Variants in SNTG1 observed in about 807,000 individuals in gnomAD.
SNTG1 encodes the protein gamma-1-syntrophin.
SNTG1 carries 39 observed loss-of-function variants against 74.7 expected under a neutral mutation model. The ratio of observed to expected loss-of-function variants is 0.52; its 90% CI spans 0.40 to 0.68. The LOEUF is 0.68. Among genes scored for constraint, SNTG1 ranks in the 30% least tolerant of loss-of-function variants. The pLI is 0.00. For missense variants in SNTG1, 685 were observed against 609.5 expected (o/e 1.12, Z -1.30); for synonymous variants, 254 against 217.1 (o/e 1.17, Z -1.49).
At chr8:50,413,596 G>A (rs78198457) in intron 4 of SNTG1, among the ~76,000 whole-genome samples, 7,121 of 152,192 alleles carry the variant, frequency 0.047, 217 homozygotes, top group Middle Eastern at 0.096. Context: ...CACAAGACCG[G>A]AATATGAAAA....
At chr8:50,547,165 T>A (rs2094394195) in intron 11 of SNTG1, among the ~76,000 whole-genome samples, 1 of 152,148 alleles carries the variant, frequency 6.6e-6, no homozygotes, top group South Asian at 2.1e-4. Context: ...TGCAGTTTCA[T>A]CATCCTGATG....
At chr8:50,747,881 CA>C (rs113979029) in intron 17 of SNTG1, 2,936 of 152,074 alleles carry the variant, frequency 0.019, 82 homozygotes, top group African/African-American at 0.063. Context: ...CCTACAGGCT[CA>C]TGCCATCAAG....
intron 2 of SNTG1, among the ~76,000 whole-genome samples, chr8:50,343,040 A>T (rs1341189438): frequency 2.0e-5 from 3 of 152,224 alleles, no homozygotes; most frequent in Admixed American, 6.5e-5. Context: ...GATCAAAACC[A>T]GAAAACAAAC....
intron 18 of SNTG1, among the ~76,000 whole-genome samples, chr8:50,763,952 C>T (rs981918886): frequency 7.2e-6 from 1 of 138,108 alleles, no homozygotes; most frequent in Non-Finnish European, 1.6e-5. Context: ...GGAATTAAAA[C>T]AGCAGAATAC....
intron 18 of SNTG1, among the ~76,000 whole-genome samples, chr8:50,767,101 T>C (rs758832006): frequency 6.6e-5 from 10 of 152,066 alleles, no homozygotes; most frequent in Non-Finnish European, 1.2e-4. Context: ...TGGTTCAGAA[T>C]AGACTTAGAA....
intron 2 of SNTG1, among the ~76,000 whole-genome samples, chr8:50,202,885 G>A (rs2084044063): frequency 6.6e-6 from 1 of 150,408 alleles, no homozygotes; most frequent in South Asian, 2.1e-4. Context: ...TGTTCTCTGT[G>A]TATTCTGTTT....
intron 2 of SNTG1, among the ~76,000 whole-genome samples, chr8:50,223,675 T>C (rs551265761): frequency 1.3e-5 from 2 of 152,212 alleles, no homozygotes; most frequent in Non-Finnish European, 1.5e-5. Flanking sequence ...AGAAAATATA[T>C]TTTTTCAAAA....
At chr8:50,137,717 T>C (rs1413771996) in intron 1 of SNTG1, among the ~76,000 whole-genome samples, 1 of 152,072 alleles carries the variant, frequency 6.6e-6, no homozygotes, top group African/African-American at 2.4e-5. Context: ...ACCAGATCTG[T>C]GGGGAAGATT....
intron 4 of SNTG1, among the ~76,000 whole-genome samples, chr8:50,434,651 A>C (rs929980091): frequency 6.6e-6 from 1 of 152,128 alleles, no homozygotes; most frequent in African/African-American, 2.4e-5. Flanking sequence ...GATGATGAGC[A>C]TTTATTCATG....
intron 1 of SNTG1, among the ~76,000 whole-genome samples, chr8:49,998,743 G>C (rs1188857207): frequency 6.6e-6 from 1 of 151,992 alleles, no homozygotes; most frequent in Non-Finnish European, 1.5e-5. Flanking sequence ...CATCTCCTGT[G>C]ATAATGATGC....
chr8:50,709,229 C>G (rs2095454550), intron 17 of SNTG1: 4 of 432,934 alleles, frequency 9.2e-6, no homozygotes, highest in Non-Finnish European at 8.1e-6. Context: ...ATGTATGTAT[C>G]TATCTATCAA....
At chr8:50,209,200 G>A (rs1368839183) in intron 2 of SNTG1, among the ~76,000 whole-genome samples, 2 of 152,150 alleles carry the variant, frequency 1.3e-5, no homozygotes, top group African/African-American at 4.8e-5. Flanking sequence ...GCTGAGGCTT[G>A]AGTAGATAAA....
At chr8:50,743,156 G>A (rs1585689265) in intron 17 of SNTG1, among the ~76,000 whole-genome samples, 2 of 151,018 alleles carry the variant, frequency 1.3e-5, no homozygotes, top group African/African-American at 2.4e-5. Context: ...ATTCTGTGAG[G>A]CCAACATTAC....
intron 8 of SNTG1, among the ~76,000 whole-genome samples, chr8:50,453,662 C>T (rs567491582): frequency 6.6e-6 from 1 of 152,216 alleles, no homozygotes; most frequent in South Asian, 2.1e-4. Flanking sequence ...ATGAGAGTAC[C>T]ATATGTGAAA....
At chr8:50,111,930 T>C (rs2080608497) in intron 1 of SNTG1, among the ~76,000 whole-genome samples, 1 of 152,036 alleles carries the variant, frequency 6.6e-6, no homozygotes, top group Admixed American at 6.6e-5. Context: ...ACAAAAATAA[T>C]ACTTTAGGCC....
At chr8:49,977,293 A>T (rs1812283273) in intron 1 of SNTG1, among the ~76,000 whole-genome samples, 1 of 152,172 alleles carries the variant, frequency 6.6e-6, no homozygotes. Flanking sequence ...CAGAAATTAA[A>T]AAAACAACAG....
chr8:50,106,438 C>T (rs1255083910), intron 1 of SNTG1, among the ~76,000 whole-genome samples: 1 of 152,094 alleles, frequency 6.6e-6, no homozygotes, highest in East Asian at 1.9e-4. Flanking sequence ...AACCATTTCA[C>T]AGTACTATGT....
intron 1 of SNTG1, among the ~76,000 whole-genome samples, chr8:49,933,849 C>A (rs991428591): frequency 6.6e-6 from 1 of 152,098 alleles, no homozygotes; most frequent in Non-Finnish European, 1.5e-5. Context: ...TTATTGGTAA[C>A]CTCCTGGACT....
chr8:50,408,329 T>C (rs755941784), intron 4 of SNTG1, among the ~76,000 whole-genome samples: 10 of 152,154 alleles, frequency 6.6e-5, no homozygotes, highest in Non-Finnish European at 1.3e-4. Context: ...ATCCCTCCCA[T>C]AGTTATTTTG....
Sources: allele counts gnomAD v4.1 joint callset (sites outside exome capture counted in the v4.1 genomes callset), GRCh38; gene constraint gnomAD v4.1.1; transcripts MANE v1.5; gene names NCBI Gene and HGNC (gene_info 2026-07-23, HGNC 2026-07-21).